The following PRUNE2 variants were observed in gnomAD, a reference collection of about 807,000 sequenced individuals.
PRUNE2 encodes the protein protein prune homolog 2.
Under a neutral mutation model 252.0 loss-of-function variants are expected in PRUNE2, and 164 were observed. That is an observed-to-expected ratio of 0.65 (90% confidence interval 0.57 to 0.74). PRUNE2 has a LOEUF of 0.74. Ranked by LOEUF, PRUNE2 falls within the 30% of genes least tolerant of loss-of-function variation. PRUNE2 has a pLI of 0.00. For missense variants in PRUNE2, 3,495 were observed against 3,711.0 expected (o/e 0.94, Z 1.51); for synonymous variants, 1,292 against 1,350.2 (o/e 0.96, Z 0.94).
At chr9:76,640,135 T>C (rs963512377) in intron 12 of PRUNE2, among the ~76,000 whole-genome samples, 1 of 152,214 alleles carries the variant, frequency 6.6e-6, no homozygotes, top group African/African-American at 2.4e-5. Context: ...TCTTCAAGCT[T>C]TGAGTAGGAG....
chr9:76,724,315 A>AG, intron 6 of PRUNE2, among the ~76,000 whole-genome samples: 1 of 146,550 alleles, frequency 6.8e-6, no homozygotes, highest in African/African-American at 2.5e-5. Flanking sequence ...AAAAAAAAAA[A>AG]AAAAAAAAAA....
intron 9 of PRUNE2, among the ~76,000 whole-genome samples, chr9:76,656,086 A>C (rs915337607): frequency 6.6e-6 from 1 of 152,188 alleles, no homozygotes; most frequent in African/African-American, 2.4e-5. Flanking sequence ...GTCACTGTGA[A>C]TATATGTTGG....
chr9:76,849,748 C>T (rs749482662), intron 3 of PRUNE2, among the ~76,000 whole-genome samples: 3 of 152,032 alleles, frequency 2.0e-5, no homozygotes, highest in Non-Finnish European at 4.4e-5. Flanking sequence ...ATCGCTTGAA[C>T]CTGGGAGGTG....
At chr9:76,859,795 C>T (rs1017375748) in intron 1 of PRUNE2, among the ~76,000 whole-genome samples, 9 of 152,036 alleles carry the variant, frequency 5.9e-5, no homozygotes, top group African/African-American at 1.7e-4. Flanking sequence ...TGCAACCTCC[C>T]GGGTTCAAGC....
chr9:76,640,784 T>C (rs1564416080), intron 12 of PRUNE2, among the ~76,000 whole-genome samples: 3 of 152,316 alleles, frequency 2.0e-5, no homozygotes, highest in East Asian at 3.9e-4. Flanking sequence ...AAGCAATTCA[T>C]CCTCAGCATG....
At chr9:76,731,300 A>C (rs1454651695) in intron 6 of PRUNE2, among the ~76,000 whole-genome samples, 7 of 128,436 alleles carry the variant, frequency 5.5e-5, no homozygotes, top group African/African-American at 2.3e-4. Context: ...CTATCTATCT[A>C]TCTATCTATC....
Position 76,850,465 on chromosome 9 carries a change from C to G in PRUNE2, c.342G>C (p.Ala114=), listed in dbSNP as rs1003543054. Residue 114 remains alanine, a splice_region_variant and synonymous_variant, in exon 3 of 19, where the codon GCG becomes GCC. Coordinates refer to ENST00000376718, the MANE Select transcript of PRUNE2 (RefSeq NM_015225.3). ...SITLVGSSVL[A]SEDKTLESAV... ...CAGAGCTTCACAGTGGATCTTACCT[C>G]GCCAGCACACTGCTGCCAACAAGTG... 6.2e-7 allele frequency: 1 copy of G among 1,611,704 alleles called. No individual in the cohort carries two copies. The highest frequency in any genetic ancestry group is 1.7e-5 in the Admixed American group (1 of 60,032).
chr9:76,705,490 C>T lies in PRUNE2; in HGVS notation c.6784G>A (p.Gly2262Ser), dbSNP rs2046246957. 2 of 1,613,968 alleles carry T rather than the reference C, an allele frequency of 1.2e-6. No homozygotes were observed. The highest frequency in any genetic ancestry group is 1.7e-5 in the Admixed American group (1 of 60,018). Residue 2262 changes from glycine to serine, a missense_variant, in exon 8 of 19, where the codon GGT becomes AGT. Coordinates refer to ENST00000376718, the MANE Select transcript of PRUNE2 (RefSeq NM_015225.3). ...TCACCATCAAACAAAGCTCTTGCAC[C>T]AGGCTGACTTTCAGGAGAAAAGCTG... ...SDSFSPESQP[G>S]ARALFDGDPH...
chr9:76,791,654 A>G (rs1370312814), intron 6 of PRUNE2, among the ~76,000 whole-genome samples: 1 of 152,226 alleles, frequency 6.6e-6, no homozygotes, highest in African/African-American at 2.4e-5. Flanking sequence ...ATACTGTACC[A>G]ATAATACTGA....
intron 6 of PRUNE2, among the ~76,000 whole-genome samples, chr9:76,803,733 T>C (rs535675207): frequency 2.0e-5 from 3 of 152,330 alleles, no homozygotes; most frequent in African/African-American, 7.2e-5. Context: ...TGTAGATTCC[T>C]GACCCACTTG....
chr9:76,769,518 C>A (rs570931739), intron 6 of PRUNE2, among the ~76,000 whole-genome samples: 1 of 152,230 alleles, frequency 6.6e-6, no homozygotes, highest in Non-Finnish European at 1.5e-5. Flanking sequence ...CTCCGCCCCC[C>A]GGGTTCAAGT....
chr9:76,836,774 AGAT>A (rs1317175678), intron 4 of PRUNE2, among the ~76,000 whole-genome samples: 2 of 152,218 alleles, frequency 1.3e-5, no homozygotes, highest in African/African-American at 4.8e-5. Context: ...TTTTGGTCAT[AGAT>A]GAGTCACCTG....
intron 1 of PRUNE2, among the ~76,000 whole-genome samples, chr9:76,890,070 A>T (rs531986772): frequency 6.6e-6 from 1 of 152,344 alleles, no homozygotes; most frequent in South Asian, 2.1e-4. Flanking sequence ...TTGAAGTGGA[A>T]ATATAAGCTA....
At chr9:76,877,382 T>C (rs1039749148) in intron 1 of PRUNE2, among the ~76,000 whole-genome samples, 3 of 152,076 alleles carry the variant, frequency 2.0e-5, no homozygotes, top group African/African-American at 7.2e-5. Flanking sequence ...GGCAGTCACC[T>C]GTAGTCCCAG....
intron 6 of PRUNE2, chr9:76,778,612 T>C (rs561119585): frequency 3.3e-5 from 5 of 152,288 alleles, no homozygotes; most frequent in African/African-American, 4.8e-5. Context: ...ATGTGGATGA[T>C]TGGATGATCA....
rs1847886976 is a variant in PRUNE2, at chr9:76,652,678, G to A, written c.8362C>T (p.Pro2788Ser). The change falls in exon 11 of 19, where the codon CCT becomes TCT. Residue 2788 changes from proline (P) to serine (S), a missense_variant. Transcript: ENST00000376718. ...GTGTCATTAAGATCCAGAGAATTAG[G>A]AGGTTCTAAAGAAGAAAGAGAACAG... ...PSAADMRPEP[P>S]NSLDLNDTHP... The A allele has an allele frequency of 6.2e-6, 10 of 1,607,500 alleles. No individual in the cohort carries two copies. Among genetic ancestry groups the A allele is most frequent in the Non-Finnish European group, 8.5e-6 (10 of 1,174,238 alleles).
chr9:76,630,524 A>G (rs1208656223), intron 15 of PRUNE2, among the ~76,000 whole-genome samples: 2 of 152,022 alleles, frequency 1.3e-5, no homozygotes, highest in African/African-American at 2.4e-5. Context: ...TGAAGAATGC[A>G]TTTTCTTTTT....
intron 6 of PRUNE2, among the ~76,000 whole-genome samples, chr9:76,730,167 T>G (rs1453757402): frequency 2.0e-5 from 3 of 152,228 alleles, no homozygotes; most frequent in Non-Finnish European, 4.4e-5. Context: ...CTAATCCATA[T>G]GTACACACCT....
intron 9 of PRUNE2, among the ~76,000 whole-genome samples, chr9:76,702,941 C>A (rs1291681755): frequency 6.6e-6 from 1 of 152,134 alleles, no homozygotes; most frequent in Non-Finnish European, 1.5e-5. Context: ...CCTACTCCTT[C>A]CATTCCCCCC....
Sources: allele counts gnomAD v4.1 joint callset (sites outside exome capture counted in the v4.1 genomes callset), GRCh38; gene constraint gnomAD v4.1.1; transcripts MANE v1.5; gene names NCBI Gene and HGNC (gene_info 2026-07-23, HGNC 2026-07-21).